RHOT1: variants seen among roughly 807,000 people sequenced by gnomAD.
RHOT1 encodes the protein ras homolog family member T1.
In RHOT1, 27 loss-of-function variants were observed where a neutral mutation model predicts 95.3. The ratio of observed to expected loss-of-function variants is 0.28; its 90% CI spans 0.21 to 0.39. The LOEUF (loss-of-function observed/expected upper bound fraction) is 0.39. Among genes scored for constraint, RHOT1 ranks in the 10% least tolerant of loss-of-function variants. The probability of loss-of-function intolerance (pLI) is 1.00; values close to 1 mark genes in which losing one functional copy is unlikely to be tolerated. For missense variants in RHOT1, 578 were observed against 786.7 expected (o/e 0.73, Z 3.17); for synonymous variants, 227 against 263.5 (o/e 0.86, Z 1.34).
intron 8 of RHOT1, among the ~76,000 whole-genome samples, chr17:32,186,201 C>G (rs74794596): frequency 9.9e-4 from 151 of 152,180 alleles, no homozygotes; most frequent in African/African-American, 3.6e-3. Flanking sequence ...TGTTATTTTA[C>G]TTTTCTTTTT....
At chr17:32,184,889 T>G (rs1401120983) in intron 8 of RHOT1, among the ~76,000 whole-genome samples, 2 of 152,082 alleles carry the variant, frequency 1.3e-5, no homozygotes, top group Non-Finnish European at 2.9e-5. Flanking sequence ...TAGACTGTTG[T>G]AAACATTCAA....
At chr17:32,143,090 T>G in intron 1 of RHOT1, 1 of 605,300 alleles carries the variant, frequency 1.7e-6, no homozygotes, top group African/African-American at 1.8e-5. Flanking sequence ...GCCTCACAGT[T>G]TCCCAGGCCG....
At chr17:32,212,087 A>G (rs2038171760) in intron 19 of RHOT1, among the ~76,000 whole-genome samples, 1 of 152,186 alleles carries the variant, frequency 6.6e-6, no homozygotes. Flanking sequence ...GAAATCATTT[A>G]AAAGTCTTTG....
chr17:32,222,573 A>AT (rs137958570), intron 19 of RHOT1, among the ~76,000 whole-genome samples: 4,056 of 150,302 alleles, frequency 0.027, 76 homozygotes, highest in Non-Finnish European at 0.041. Context: ...ATACAGATAG[A>AT]TTTTTTTTTT....
At chr17:32,219,254 G>A (rs1040994623) in intron 19 of RHOT1, among the ~76,000 whole-genome samples, 5 of 152,022 alleles carry the variant, frequency 3.3e-5, no homozygotes, top group Non-Finnish European at 7.4e-5. Context: ...CTTTTCCTCT[G>A]CATAATAGCT....
chr17:32,217,358 C>G (rs1022027111), intron 19 of RHOT1, among the ~76,000 whole-genome samples: 2 of 152,128 alleles, frequency 1.3e-5, no homozygotes, highest in Non-Finnish European at 2.9e-5. Context: ...TATGTTTATC[C>G]TAATAAATAT....
At chr17:32,197,053 G>A (rs1033602563) in intron 11 of RHOT1, among the ~76,000 whole-genome samples, 3 of 151,536 alleles carry the variant, frequency 2.0e-5, no homozygotes, top group Admixed American at 6.6e-5. Flanking sequence ...AACCTGGAAG[G>A]TGGAGGTTGC....
intron 1 of RHOT1, among the ~76,000 whole-genome samples, chr17:32,143,477 T>C (rs2030771400): frequency 6.6e-6 from 1 of 152,246 alleles, no homozygotes; most frequent in Admixed American, 6.5e-5. Flanking sequence ...GTTGTTACCC[T>C]AAAGCGTAAT....
intron 19 of RHOT1, 146 bp downstream of exon 19, chr17:32,211,384 C>T: frequency 3.2e-6 from 2 of 626,670 alleles, no homozygotes; most frequent in East Asian, 3.0e-5. Context: ...ACTGTGATGA[C>T]AATGTTTAGT....
At chr17:32,201,949 A>G (rs900446765) in intron 14 of RHOT1, among the ~76,000 whole-genome samples, 5 of 151,920 alleles carry the variant, frequency 3.3e-5, no homozygotes, top group Non-Finnish European at 5.9e-5. Context: ...GTCTCTCTCT[A>G]TCACCAGGCT....
intron 1 of RHOT1, among the ~76,000 whole-genome samples, chr17:32,168,006 C>T (rs2034239724): frequency 6.6e-6 from 1 of 151,882 alleles, no homozygotes; most frequent in Admixed American, 6.6e-5. Context: ...TATGCTCTAG[C>T]CTAGGTGACA....
intron 11 of RHOT1, among the ~76,000 whole-genome samples, chr17:32,195,194 C>T (rs1199935245): frequency 6.6e-6 from 1 of 151,854 alleles, no homozygotes; most frequent in Non-Finnish European, 1.5e-5. Flanking sequence ...CTCCATGGCT[C>T]AAGCAATCCT....
chr17:32,152,011 G>A (rs748045222), intron 1 of RHOT1, among the ~76,000 whole-genome samples: 1 of 151,752 alleles, frequency 6.6e-6, no homozygotes, highest in Non-Finnish European at 1.5e-5. Context: ...TTATAATGTA[G>A]TGAGTGCTAA....
At chr17:32,212,643 T>C (rs1300928242) in intron 19 of RHOT1, among the ~76,000 whole-genome samples, 1 of 152,214 alleles carries the variant, frequency 6.6e-6, no homozygotes, top group Non-Finnish European at 1.5e-5. Flanking sequence ...GCTTGCCTCA[T>C]TGGAAAGCAT....
chr17:32,221,087 G>T, intron 19 of RHOT1: 1 of 981,568 alleles, frequency 1.0e-6, no homozygotes, highest in Non-Finnish European at 1.2e-6. Context: ...GCCAGAAGCG[G>T]CCAGGCGTGG....
intron 17 of RHOT1, 42 bp from the exon 18 acceptor site, chr17:32,208,065 T>A: frequency 6.5e-7 from 1 of 1,540,120 alleles, no homozygotes; most frequent in Non-Finnish European, 9.0e-7. Flanking sequence ...TAGTAATTTT[T>A]GAACTTGTTA....
rs1489823098 is a variant in RHOT1, at chr17:32,223,242, G to GGC, written c.1863-1373_1863-1372dup. ...ATCTGTTCTCTTTGACTATTACTGA[G>GGC]GCAAAGTAGTTTTGTGCAGTTTGAA... On this transcript the variant is annotated intron_variant, in intron 19 of 19. Transcript: ENST00000545287. 3.3e-5 allele frequency among the ~76,000 whole-genome samples: 5 copies of GGC among 151,974 alleles called. No individual in the cohort carries two copies. In the South Asian group the frequency reaches 6.2e-4, roughly 19 times the overall value.
intron 2 of RHOT1, among the ~76,000 whole-genome samples, chr17:32,171,998 C>T (rs1380434360): frequency 6.6e-6 from 1 of 152,128 alleles, no homozygotes; most frequent in African/African-American, 2.4e-5. Context: ...ATAAAGTTAG[C>T]ATATAGTTAT....
At chr17:32,185,800 G>T (rs1412863643) in intron 8 of RHOT1, among the ~76,000 whole-genome samples, 1 of 147,126 alleles carries the variant, frequency 6.8e-6, no homozygotes, top group African/African-American at 2.5e-5. Context: ...AGCTCACTGC[G>T]GCCTCAAACT....
Sources: allele counts gnomAD v4.1 joint callset (sites outside exome capture counted in the v4.1 genomes callset), GRCh38; gene constraint gnomAD v4.1.1; transcripts MANE v1.5; gene names NCBI Gene and HGNC (gene_info 2026-07-23, HGNC 2026-07-21).